PPP2R2B: variants seen among roughly 807,000 people sequenced by gnomAD.
PPP2R2B encodes the protein serine/threonine-protein phosphatase 2A 55 kDa regulatory subunit B beta isoform.
A neutral mutation model predicts 46.0 loss-of-function variants in PPP2R2B; 5 were observed. The observed-to-expected ratio is 0.11, with a 90% CI of 0.06 to 0.23. The LOEUF (loss-of-function observed/expected upper bound fraction) is 0.23. PPP2R2B is among the 10% of genes least tolerant of loss of function. The probability of loss-of-function intolerance (pLI) is 1.00; values close to 1 mark genes in which losing one functional copy is unlikely to be tolerated. For synonymous variants in PPP2R2B, 215 were observed against 206.7 expected (o/e 1.04, Z -0.34); for missense variants, 367 against 575.0 (o/e 0.64, Z 3.70).
chr5:146,642,381 G>A (rs1775279552), intron 6 of PPP2R2B, among the ~76,000 whole-genome samples: 1 of 152,176 alleles, frequency 6.6e-6, no homozygotes, highest in Non-Finnish European at 1.5e-5. Flanking sequence ...TAGCATGGGG[G>A]CCATTCAAAC....
intron 1 of PPP2R2B, among the ~76,000 whole-genome samples, chr5:147,053,085 T>C (rs1224285886): frequency 6.6e-6 from 1 of 151,860 alleles, no homozygotes; most frequent in Non-Finnish European, 1.5e-5. Flanking sequence ...TTTGCAACTA[T>C]CCTGTGGAGT....
chr5:146,638,355 T>C lies in PPP2R2B; in HGVS notation c.686A>G (p.Glu229Gly). ...GGTGTTGCAATGATGGGGGTGGAAC[T>C]CGGCTGCTGTGATCACCTCCGTGAG... The part of the protein sequence containing the change: ...EELTEVITAA[E>G]FHPHHCNTFV... The change falls in exon 7 of 10, where the codon GAG (glutamate) becomes GGG (glycine). Residue 229 changes from glutamate (E) to glycine (G), a missense_variant. By Grantham distance (98) the Glu-to-Gly change is moderately conservative. This residue lies in a region of PPP2R2B where 361 missense variants were observed against 545.5 expected (regional missense o/e 0.66). Coordinates refer to ENST00000394411, the MANE Select transcript of PPP2R2B (RefSeq NM_181675.4). 1 of 1,613,432 alleles carries C rather than the reference T, an allele frequency of 6.2e-7. No individual in the cohort carries two copies.
chr5:147,076,259 A>G (rs1032360005), intron 2 of PPP2R2B, among the ~76,000 whole-genome samples: 1 of 152,132 alleles, frequency 6.6e-6, no homozygotes, highest in African/African-American at 2.4e-5. Context: ...ATATATTGTT[A>G]AGTAAAAACA....
In PPP2R2B at chr5:146,608,741, T is replaced by C. The variant is rs188111262; in HGVS notation, c.791-8281A>G. Among the ~76,000 whole-genome samples the C allele has an allele frequency of 3.3e-3, 497 of 152,164 alleles. 4 individuals are homozygous for C. Among genetic ancestry groups the C allele is most frequent in the African/African-American group, 0.011 (477 of 41,506 alleles). ...CGGAGGTTGCAGTGAGCCAAGATCA[T>C]GCCACTGCACTCCAGCCTGGGCCAC... On this transcript the variant is annotated intron_variant, in intron 7 of 9. Coordinates refer to ENST00000394411, the MANE Select transcript of PPP2R2B (RefSeq NM_181675.4).
chr5:146,749,855 C>G (rs1753443460), intron 2 of PPP2R2B, among the ~76,000 whole-genome samples: 1 of 152,106 alleles, frequency 6.6e-6, no homozygotes, highest in Non-Finnish European at 1.5e-5. Context: ...GCCTTGGCCT[C>G]CCAAAGTGTT....
intron 2 of PPP2R2B, among the ~76,000 whole-genome samples, chr5:146,799,552 A>G (rs79393475): frequency 1.5e-3 from 232 of 152,300 alleles, no homozygotes; most frequent in African/African-American, 5.5e-3. Context: ...GAGACAACAC[A>G]TGTCCACTCA....
At chr5:147,080,221 G>C (rs1205968719) in intron 2 of PPP2R2B, among the ~76,000 whole-genome samples, 1 of 152,156 alleles carries the variant, frequency 6.6e-6, no homozygotes, top group East Asian at 1.9e-4. Context: ...ATGTTAGTTT[G>C]AGTATAGTGT....
chr5:146,931,250 A>G (rs1001638154), intron 1 of PPP2R2B, among the ~76,000 whole-genome samples: 2 of 152,108 alleles, frequency 1.3e-5, no homozygotes, highest in African/African-American at 2.4e-5. Flanking sequence ...GATGTTTCCC[A>G]TCTTAGTGTT....
chr5:146,878,488 A>C lies in PPP2R2B; in HGVS notation c.-125+103T>G. ...TTGGCAGCCGCTCCAAAATGCAAAA[A>C]AGATCCCTCCTCCCCCTGGGAGAGC... On this transcript the variant is annotated intron_variant, in intron 1 of 9. Transcript: ENST00000394411. The surrounding 1 kb of genome is among the most constrained non-coding windows in gnomAD (Gnocchi z 4.5). The C allele has an allele frequency of 1.5e-6, 2 of 1,341,074 alleles. No individual in the cohort carries two copies. The highest frequency in any genetic ancestry group is 1.9e-6 in the Non-Finnish European group (2 of 1,039,916). The allele number at this position is 1,341,074 out of a possible 1,614,324, so 83.1% of individuals were successfully genotyped here.
intron 1 of PPP2R2B, among the ~76,000 whole-genome samples, chr5:146,960,012 C>T (rs1359292779): frequency 6.6e-6 from 1 of 152,182 alleles, no homozygotes; most frequent in Non-Finnish European, 1.5e-5. Context: ...ATGTCATGAT[C>T]ACTTTTAGTT....
chr5:147,012,769 G>A (rs1754804724), intron 1 of PPP2R2B, among the ~76,000 whole-genome samples: 1 of 151,528 alleles, frequency 6.6e-6, no homozygotes, highest in Admixed American at 6.6e-5. Flanking sequence ...CAGAGATTCT[G>A]GTATGTTGTG....
intron 1 of PPP2R2B, among the ~76,000 whole-genome samples, chr5:146,948,112 C>T (rs1764541372): frequency 6.6e-6 from 1 of 151,976 alleles, no homozygotes; most frequent in African/African-American, 2.4e-5. Flanking sequence ...ACCCTATAAA[C>T]CCTTAACACT....
Position 146,935,918 on chromosome 5 carries a change from T to C in PPP2R2B, c.79+119747A>G, listed in dbSNP as rs1165183593. On this transcript the variant is annotated intron_variant, in intron 1 of 8. Transcript: ENST00000336640. ...CAGCAACTTAGGCAAGTTATGCCAC[T>C]TCTAAGACTCATTTTCCTTATCTAT... Among the ~76,000 whole-genome samples the C allele has an allele frequency of 2.0e-5, 3 of 152,282 alleles. No homozygotes were observed. In the East Asian group the frequency reaches 5.8e-4, roughly 29 times the overall value.
Position 146,707,330 on chromosome 5 carries a change from T to C in PPP2R2B, c.71-6188A>G, listed in dbSNP as rs1321715832. On this transcript the variant is annotated intron_variant, in intron 2 of 9. Coordinates refer to ENST00000394411, the MANE Select transcript of PPP2R2B (RefSeq NM_181675.4). ...GCAAACTTGTTGTTGAAGGTCTTGA[T>C]CTGCTCCTTCTCCTGGGTGCACACA... 3.1e-6 allele frequency: 3 copies of C among 957,802 alleles called. No individual in the cohort carries two copies. In the East Asian group the frequency reaches 7.1e-5, roughly 23 times the overall value. The allele number at this position is 957,802 out of a possible 1,614,324, so 59.3% of individuals were successfully genotyped here.
chr5:146,600,499 CT>C, intron 7 of PPP2R2B, 39 bp from the exon 8 acceptor site: 1 of 1,599,476 alleles, frequency 6.3e-7, no homozygotes. Context: ...TTTAGCAATC[CT>C]TATCAACTGA....
intron 1 of PPP2R2B, among the ~76,000 whole-genome samples, chr5:146,969,553 G>C (rs1204780322): frequency 6.6e-6 from 1 of 152,222 alleles, no homozygotes; most frequent in Admixed American, 6.5e-5. Context: ...ATAGGAAAGA[G>C]AGAGGCTAGA....
intron 2 of PPP2R2B, among the ~76,000 whole-genome samples, chr5:146,708,237 G>A (rs1431493695): frequency 6.6e-6 from 1 of 151,650 alleles, no homozygotes; most frequent in African/African-American, 2.4e-5. Context: ...TATGTCTGTG[G>A]TCCCAGCTAC....
chr5:147,010,303 C>T (rs1754655209), intron 1 of PPP2R2B, among the ~76,000 whole-genome samples: 2 of 151,630 alleles, frequency 1.3e-5, no homozygotes, highest in Non-Finnish European at 2.9e-5. Context: ...CAGACTGGGG[C>T]AGGGTGGAAG....
intron 1 of PPP2R2B, among the ~76,000 whole-genome samples, chr5:147,008,649 C>G (rs1754565722): frequency 6.6e-6 from 1 of 152,110 alleles, no homozygotes; most frequent in East Asian, 1.9e-4. Context: ...GTCACCTCTT[C>G]TAAGAGGCCT....
Sources: allele counts gnomAD v4.1 joint callset (sites outside exome capture counted in the v4.1 genomes callset), GRCh38; gene constraint gnomAD v4.1.1; regional missense constraint gnomAD v4.1.1; non-coding constraint Gnocchi (gnomAD v3.1); transcripts MANE v1.5; gene names NCBI Gene and HGNC (gene_info 2026-07-23, HGNC 2026-07-21).